The following RINL variants were observed in gnomAD, a reference collection of about 807,000 sequenced individuals.
RINL encodes the protein ras and Rab interactor-like protein.
Under a neutral mutation model 58.1 loss-of-function variants are expected in RINL, and 39 were observed. That is an observed-to-expected ratio of 0.67 (90% CI 0.52 to 0.88). The LOEUF is 0.88. Ranked by LOEUF, RINL falls within the 40% of genes least tolerant of loss-of-function variation. The pLI, the probability that RINL is intolerant of heterozygous loss-of-function variation, is 0.00. For missense variants in RINL, 711 were observed against 749.2 expected (o/e 0.95, Z 0.60); for synonymous variants, 286 against 323.1 (o/e 0.89, Z 1.23).
In RINL at chr19:38,870,282, T is replaced by A. The variant is rs1815760542; in HGVS notation, c.1025-22A>T. 1 of 1,379,242 alleles carries A rather than the reference T, an allele frequency of 7.3e-7. No homozygotes were observed. The highest frequency in any genetic ancestry group is 3.6e-5 in the Admixed American group (1 of 27,994). 85.4% of individuals were successfully genotyped at this position (1,379,242 alleles called of 1,614,324 possible). The stretch of plus-strand genomic sequence containing the variant: ...GGGCCTGCGGGGTGTGGGGGACGGG[T>A]GAGCACAGGACCGCCAAGTTGTCCC... On this transcript the variant is annotated intron_variant, in intron 8 of 11. Coordinates refer to ENST00000591812, the MANE Select transcript of RINL (RefSeq NM_001195833.2). The surrounding 1 kb of genome is among the most constrained non-coding windows in gnomAD (Gnocchi z 5.8).
Position 38,870,916 on chromosome 19 carries a change from C to A in RINL, c.678G>T (p.Pro226=). The A allele has an allele frequency of 1.2e-6, 2 of 1,605,062 alleles. No homozygotes were observed. ...CCTCTTCCAGTAGGCTGGCGAGAGC[C>A]GGCCCAGGATGGTCCACTTCCGGGC... ...PLSPEVDHPG[P]ALASLLEEEE... is the part of the protein sequence containing the mutation. Residue 226 remains proline (P), a synonymous_variant, in exon 8 of 12, where the codon CCG becomes CCT. Coordinates refer to ENST00000591812, the MANE Select transcript of RINL (RefSeq NM_001195833.2). This position sits in a 1 kb window ranked among gnomAD's most constrained non-coding sequence, Gnocchi z 5.8.
Position 38,869,402 on chromosome 19 carries a change from A to C in RINL, c.1483T>G (p.Tyr495Asp). The change falls in exon 11 of 12, where the codon TAC becomes GAC. Residue 495 changes from tyrosine (Y) to aspartate (D), a missense_variant. Coordinates refer to ENST00000591812, the MANE Select transcript of RINL (RefSeq NM_001195833.2). This position sits in a 1 kb window ranked among gnomAD's most constrained non-coding sequence, Gnocchi z 5.7. ...AGCGCCCCAAACCACGTGGTCAGGT[A>C]GTACCCAGCTGGGGACAGAAAGGGA... ...PDELRGEAGY[Y>D]LTTWFGALHH... is the part of the protein sequence containing the mutation. 1 of 1,601,826 alleles carries C rather than the reference A, an allele frequency of 6.2e-7. No individual in the cohort carries two copies.
intron 1 of RINL, among the ~76,000 whole-genome samples, chr19:38,877,995 G>T (rs533893418): frequency 6.6e-6 from 1 of 152,228 alleles, no homozygotes; most frequent in African/African-American, 2.4e-5. Flanking sequence ...CAGAAGGCCA[G>T]GGTGTTATTA....
In RINL at chr19:38,868,968, T is replaced by TG; in HGVS notation, c.*135_*136insC. 1.2e-5 allele frequency: 7 copies of TG among 578,116 alleles called. No individual in the cohort carries two copies. Among genetic ancestry groups the TG allele is most frequent in the African/African-American group, 9.7e-5 (5 of 51,498 alleles). 35.8% of individuals were successfully genotyped at this position (578,116 alleles called of 1,614,324 possible). A position where few individuals can be genotyped will look rare whatever the true frequency, so the allele number is the denominator to read the frequency against. The stretch of plus-strand genomic sequence containing the variant: ...GCCACCACGCCCGGCTAATTTTTGT[T>TG]TTTTTTTTTTTTTGGTAGATGGGGG... On this transcript the variant is annotated 3_prime_UTR_variant, in exon 12 of 12. Transcript: ENST00000591812.
chr19:38,869,772 G>A lies in RINL; in HGVS notation c.1343-68C>T. 1 of 1,598,388 alleles carries A rather than the reference G, an allele frequency of 6.3e-7. No homozygotes were observed. The highest frequency in any genetic ancestry group is 8.5e-7 in the Non-Finnish European group (1 of 1,171,144). ...CAAGGCGCGTAGACACCTTCCATCCGATCCCCAGGACCACGAGGGCTGGCT... is the reference window on the plus strand; with the variant it reads ...CAAGGCGCGTAGACACCTTCCATCCAATCCCCAGGACCACGAGGGCTGGCT... On this transcript the variant is annotated intron_variant, in intron 9 of 11. Transcript: ENST00000591812. This position sits in a 1 kb window ranked among gnomAD's most constrained non-coding sequence, Gnocchi z 5.7.
At position 38,871,682 on chromosome 19, in the gene RINL, G is replaced by A. The variant is rs765995884; in HGVS notation, c.416C>T (p.Pro139Leu). 1.2e-6 allele frequency: 2 copies of A among 1,613,998 alleles called. No homozygotes were observed. The highest frequency in any genetic ancestry group is 3.3e-5 in the Admixed American group (2 of 59,994). ...RDVLPRTLLL[P>L]PPTLGPRDEH... ...ATCTCTGGGCCCTAGAGTGGGAGGG[G>A]GCAAGAGCAGGGTTCTGGGCAGAAC... The change falls in exon 6 of 12, where the codon CCC (proline) becomes CTC (leucine). Residue 139 changes from proline (P) to leucine (L), a missense_variant. Pro to Leu is a moderately conservative substitution (Grantham distance 98). Coordinates refer to ENST00000591812, the MANE Select transcript of RINL (RefSeq NM_001195833.2).
In RINL at chr19:38,869,335, G is replaced by A; in HGVS notation, c.1550C>T (p.Pro517Leu). Residue 517 changes from proline (P) to leucine (L), a missense_variant, in exon 11 of 12, where the codon CCC becomes CTC. By Grantham distance (98) the Pro-to-Leu change is moderately conservative (BLOSUM62 -3). Coordinates refer to ENST00000591812, the MANE Select transcript of RINL (RefSeq NM_001195833.2). This position sits in a 1 kb window ranked among gnomAD's most constrained non-coding sequence, Gnocchi z 5.7. ...GCGGGCCTCGGAGCTGAGCCCCCGG[G>A]GAGCGCGGTCTGTTTCGGGCTGGTA... ...AHYQPETDRA[P>L]RGLSSEARAS... is the part of the protein sequence containing the mutation. The A allele has an allele frequency of 6.2e-7, 1 of 1,613,928 alleles. No individual in the cohort carries two copies. Among genetic ancestry groups the A allele is most frequent in the Non-Finnish European group, 8.5e-7 (1 of 1,179,954 alleles).
At position 38,869,936 on chromosome 19, in the gene RINL, C is replaced by T. The variant is rs1295297717; in HGVS notation, c.1342+7G>A. 6.3e-6 allele frequency: 10 copies of T among 1,592,390 alleles called. No individual in the cohort carries two copies. Among genetic ancestry groups the T allele is most frequent in the African/African-American group, 1.3e-5 (1 of 74,386 alleles). On this transcript the variant is annotated splice_region_variant and intron_variant, in intron 9 of 11. Transcript: ENST00000591812. This position sits in a 1 kb window ranked among gnomAD's most constrained non-coding sequence, Gnocchi z 5.7. ...CCCACCACGCTAGACGTTGACCCCTCCCTTACCTTGGTTCTCGCCTCGAGC... is the reference window on the plus strand; with the variant it reads ...CCCACCACGCTAGACGTTGACCCCTTCCTTACCTTGGTTCTCGCCTCGAGC...
At chr19:38,875,768 C>A (rs951247408) in intron 3 of RINL, among the ~76,000 whole-genome samples, 8 of 152,260 alleles carry the variant, frequency 5.3e-5, no homozygotes, top group Admixed American at 3.9e-4. Context: ...GGAATGCACG[C>A]AGGTGCTTGG....
Position 38,876,481 on chromosome 19 carries a change from T to C in RINL, c.60A>G (p.Pro20=), listed in dbSNP as rs1366708056. 3 of 1,536,010 alleles carry C rather than the reference T, an allele frequency of 2.0e-6. No individual in the cohort carries two copies. The African/African-American group carries it at 4.1e-5, about 21-fold the overall frequency. ...TCCTGTCTGCTTTGTTCACCTGTGG[T>C]GGGACCAGCCTGGGATGGACAGTGT... is the stretch of plus-strand genomic sequence containing the variant. ...EVPTEGVRLV[P]PQVNKADRTP... Residue 20 remains proline (P), a synonymous_variant, in exon 3 of 12, where the codon CCA becomes CCG. Transcript: ENST00000591812.
chr19:38,870,775 G>A lies in RINL; in HGVS notation c.819C>T (p.Tyr273=), dbSNP rs777427892. ...GAAGGCTTCGGTACTGCCTGGCCAC[G>A]TAGCTGCTCCGGGCCCTGACCAGAG... ...VQSLVRARSS[Y]VARQYRSLRV... Residue 273 remains tyrosine, a synonymous_variant, in exon 8 of 12, where the codon TAC becomes TAT. Coordinates refer to ENST00000591812, the MANE Select transcript of RINL (RefSeq NM_001195833.2). This position sits in a 1 kb window ranked among gnomAD's most constrained non-coding sequence, Gnocchi z 5.8. The A allele has an allele frequency of 3.7e-5, 59 of 1,612,874 alleles. No individual in the cohort carries two copies. The highest frequency in any genetic ancestry group is 4.9e-5 in the Non-Finnish European group (58 of 1,180,018).
At chr19:38,871,313 A>C in intron 6 of RINL, 86 bp from the exon 7 acceptor site, 2 of 1,471,854 alleles carry the variant, frequency 1.4e-6, no homozygotes, top group Non-Finnish European at 1.9e-6. Flanking sequence ...CTTACTTCCC[A>C]GCTTCATTGC....
chr19:38,873,856 T>G (rs1313012001), intron 4 of RINL, 30 bp downstream of exon 4: 2 of 1,339,772 alleles, frequency 1.5e-6, no homozygotes, highest in Non-Finnish European at 2.1e-6. Context: ...CAATTGACTG[T>G]GGGCTGGAAC....
Position 38,870,172 on chromosome 19 carries a change from C to T in RINL, c.1113G>A (p.Pro371=), listed in dbSNP as rs1397791819. The T allele has an allele frequency of 2.1e-6, 3 of 1,408,472 alleles. No homozygotes were observed. The highest frequency in any genetic ancestry group is 1.5e-5 in the South Asian group (1 of 64,768). The allele number at this position is 1,408,472 out of a possible 1,614,324, so 87.2% of individuals were successfully genotyped here. The change falls in exon 9 of 12, where the codon CCG becomes CCA. Residue 371 remains proline (P), a synonymous_variant. Transcript: ENST00000591812. The surrounding 1 kb of genome is among the most constrained non-coding windows in gnomAD (Gnocchi z 5.8). ...GTCGCCGCCGCAGCCGCCGCAGCTC[C>T]GGTGCTCGGAGTGTGCGGAGTCGTG... ...LWTRLRTLRA[P]ELRRLRRRQT...
chr19:38,878,127 G>A (rs1337177418), intron 1 of RINL, 105 bp downstream of exon 1: 2 of 152,570 alleles, frequency 1.3e-5, no homozygotes, highest in African/African-American at 4.8e-5. Context: ...CAGGAGAGGA[G>A]GCTGTGGGCA....
chr19:38,876,858 A>C (rs534567546), intron 1 of RINL, 77 bp from the exon 2 acceptor site: 397 of 815,850 alleles, frequency 4.9e-4, no homozygotes, highest in Non-Finnish European at 7.3e-4. Context: ...TCAATATGGC[A>C]GAGACCCTGA....
chr19:38,876,503 G>C lies in RINL; in HGVS notation c.51-13C>G, dbSNP rs1485238031. On this transcript the variant is annotated splice_polypyrimidine_tract_variant and intron_variant, in intron 2 of 11. Transcript: ENST00000591812. ...TGGTGGGACCAGCCTGGGATGGACA[G>C]TGTCCAGGGAGTCAGGGGTCAGAGG... is the stretch of plus-strand genomic sequence containing the variant. 1.3e-6 allele frequency: 2 copies of C among 1,535,742 alleles called. No homozygotes were observed. Among genetic ancestry groups the C allele is most frequent in the Admixed American group, 2.0e-5 (1 of 50,972 alleles).
Position 38,869,708 on chromosome 19 carries a change from G to C in RINL, c.1343-4C>G, listed in dbSNP as rs755120133. 3.1e-6 allele frequency: 5 copies of C among 1,613,466 alleles called. No homozygotes were observed. The African/African-American group carries it at 5.3e-5, about 17-fold the overall frequency. On this transcript the variant is annotated splice_region_variant and splice_polypyrimidine_tract_variant and intron_variant, in intron 9 of 11. Transcript: ENST00000591812. The surrounding 1 kb of genome is among the most constrained non-coding windows in gnomAD (Gnocchi z 5.7). Reference sequence around the variant, plus strand: ...AAGGCGTCGGCCCCCAGGGGATCTGGGAAAACCAGAGGAAAGGTCTTGAGA... The same window carrying C: ...AAGGCGTCGGCCCCCAGGGGATCTGCGAAAACCAGAGGAAAGGTCTTGAGA...
At chr19:38,873,715 G>A (rs1056107189) in intron 4 of RINL, 171 bp downstream of exon 4, 12 of 514,440 alleles carry the variant, frequency 2.3e-5, no homozygotes, top group Non-Finnish European at 3.2e-5. Context: ...TTGTAGAGAC[G>A]GGGTTTTGCC....
Sources: gnomAD v4.1 joint callset for allele counts (sites outside exome capture counted in the v4.1 genomes callset) on GRCh38, gnomAD v4.1.1 for gene constraint, Gnocchi (gnomAD v3.1) non-coding constraint, MANE v1.5 for transcripts, NCBI Gene and HGNC (gene_info 2026-07-23, HGNC 2026-07-21) for gene names.